PDGFRB: variants seen among roughly 807,000 people sequenced by gnomAD.
PDGFRB encodes platelet-derived growth factor receptor beta.
Under a neutral mutation model 120.2 loss-of-function variants are expected in PDGFRB, and 42 were observed. The ratio of observed to expected loss-of-function variants is 0.35; its 90% CI spans 0.27 to 0.45. The LOEUF (loss-of-function observed/expected upper bound fraction) is 0.45, where lower values mean the gene tolerates loss of function less well. Among genes scored for constraint, PDGFRB ranks in the 20% least tolerant of loss-of-function variants. PDGFRB has a pLI of 1.00. For missense variants in PDGFRB, 1,149 were observed against 1,476.3 expected (o/e 0.78, Z 3.63); for synonymous variants, 586 against 606.8 (o/e 0.97, Z 0.50).
In PDGFRB at chr5:150,120,232, C is replaced by T. The variant is rs1760088561; in HGVS notation, c.2587-109G>A. 6 of 675,752 alleles carry T rather than the reference C, an allele frequency of 8.9e-6. No individual in the cohort carries two copies. Among genetic ancestry groups the T allele is most frequent in the South Asian group, 6.4e-5 (4 of 62,164 alleles). The allele number at this position is 675,752 out of a possible 1,614,324, so 41.9% of individuals were successfully genotyped here. ...CAGCTCCCACCCACAACCACTTCTC[C>T]GTCCCATTCCCTGTGAGGGCCCTGG... is the stretch of plus-strand genomic sequence containing the variant. On this transcript the variant is annotated intron_variant, in intron 18 of 22. Coordinates refer to ENST00000261799, the MANE Select transcript of PDGFRB (RefSeq NM_002609.4). This position sits in a 1 kb window ranked among gnomAD's most constrained non-coding sequence, Gnocchi z 4.3.
rs114435947 is a variant in PDGFRB, at chr5:150,115,797, G to A, written c.3287C>T (p.Ala1096Val). Reference protein sequence around the residue: ...LEQLPDSGCPAPRAEAEDSFL With the variant: ...LEQLPDSGCPVPRAEAEDSFL ...GCTATCCTCTGCTTCCGCCCGAGGC[G>A]CAGGGCACCCCGAATCCGGCAACTG... Residue 1096 changes from alanine (A) to valine (V), a missense_variant, in exon 23 of 23, where the codon GCG (alanine) becomes GTG (valine). Transcript: ENST00000261799. 3.0e-3 allele frequency: 4,857 copies of A among 1,611,438 alleles called. 6 individuals are homozygous for A. The highest frequency in any genetic ancestry group is 3.3e-3 in the Non-Finnish European group (3,926 of 1,178,918).
rs117286506 is a variant in PDGFRB at position 150,127,401 on chromosome 5, T to G, written c.1580-787A>C. ...TCTTCTGTCCCCAATCTATGCTTCT[T>G]TGCTCCCTAGGGAGTCCTGTCCCAC... is the stretch of plus-strand genomic sequence containing the variant. On this transcript the variant is annotated intron_variant, in intron 10 of 22. Transcript: ENST00000261799. 3.1e-4 allele frequency among the ~76,000 whole-genome samples: 47 copies of G among 152,206 alleles called. 2 individuals are homozygous for G. The East Asian group carries it at 8.9e-3, about 29-fold the overall frequency.
chr5:150,121,693 A>T lies in PDGFRB; in HGVS notation c.2344+187T>A, dbSNP rs185787234. Among the ~76,000 whole-genome samples the T allele has an allele frequency of 3.5e-3, 533 of 152,236 alleles. 3 individuals are homozygous for T. In the Middle Eastern group the frequency reaches 0.037, roughly 11 times the overall value. On this transcript the variant is annotated intron_variant, in intron 16 of 22. Transcript: ENST00000261799. This position sits in a 1 kb window ranked among gnomAD's most constrained non-coding sequence, Gnocchi z 4.1. The stretch of plus-strand genomic sequence containing the variant: ...CTGAGGGTTCTACGCATGTTTCCGG[A>T]TCCATAAACAGGGCTTCCGTTTAGG...
intron 1 of PDGFRB, among the ~76,000 whole-genome samples, chr5:150,148,050 G>A (rs1760973830): frequency 6.6e-6 from 1 of 152,142 alleles, no homozygotes; most frequent in Non-Finnish European, 1.5e-5. Flanking sequence ...CTCAGGAAGA[G>A]GTAGCTGCTG....
At chr5:150,140,850 T>A (rs1394418384) in intron 1 of PDGFRB, among the ~76,000 whole-genome samples, 1 of 152,096 alleles carries the variant, frequency 6.6e-6, no homozygotes, top group African/African-American at 2.4e-5. Context: ...CAGACTTCCC[T>A]CCTCCCAGCA....
In PDGFRB at chr5:150,134,912, C is replaced by A; in HGVS notation, c.469G>T (p.Val157Leu). The A allele has an allele frequency of 6.2e-7, 1 of 1,613,956 alleles. No individual in the cohort carries two copies. Among genetic ancestry groups the A allele is most frequent in the South Asian group, 1.1e-5 (1 of 91,090 alleles). The change falls in exon 4 of 23, where the codon GTG becomes TTG. Residue 157 changes from valine (V) to leucine (L), a missense_variant. By Grantham distance (32) the Val-to-Leu change is conservative. This residue lies in a region of PDGFRB where 879 missense variants were observed against 1,108.6 expected (regional missense o/e 0.79). Coordinates refer to ENST00000261799, the MANE Select transcript of PDGFRB (RefSeq NM_002609.4). ...CCTTTCTTCTCGTGCAGTGTCACCACCAGCTGTGGGTCTGTTACTCGGCAT... is the reference window on the plus strand; with the variant it reads ...CCTTTCTTCTCGTGCAGTGTCACCAACAGCTGTGGGTCTGTTACTCGGCAT... ...IPCRVTDPQL[V>L]VTLHEKKGDV...
Position 150,134,889 on chromosome 5 carries a change from T to G in PDGFRB, c.492A>C (p.Lys164Asn), listed in dbSNP as rs751395575. The part of the protein sequence containing the change: ...PQLVVTLHEK[K>N]GDVALPVPYD... ...AGGGGACAGGCAGTGCAACGTCCCC[T>G]TTCTTCTCGTGCAGTGTCACCACCA... The change falls in exon 4 of 23, where the codon AAA (lysine) becomes AAC (asparagine). Residue 164 changes from lysine to asparagine, a missense_variant. Transcript: ENST00000261799. The G allele has an allele frequency of 4.3e-6, 7 of 1,614,188 alleles. No homozygotes were observed. In the East Asian group the frequency reaches 1.1e-4, roughly 26 times the overall value.
intron 10 of PDGFRB, among the ~76,000 whole-genome samples, chr5:150,128,392 C>T (rs1054191955): frequency 2.6e-5 from 4 of 152,224 alleles, no homozygotes; most frequent in African/African-American, 9.6e-5. Context: ...TAGACAGGCA[C>T]GTGCCTGAAC....
At position 150,145,643 on chromosome 5, in the gene PDGFRB, C is replaced by T. The variant is rs549321495; in HGVS notation, c.-6-8590G>A. ...AGGCTCCAGAGCACACAGCCCAATG[C>T]CCATGAGACAGCCCCTCTGTGGCAG... On this transcript the variant is annotated intron_variant, in intron 1 of 22. Transcript: ENST00000261799. Among the ~76,000 whole-genome samples, 13 of 152,326 alleles carry T rather than the reference C, an allele frequency of 8.5e-5. No individual in the cohort carries two copies. In the South Asian group the frequency reaches 2.5e-3, roughly 29 times the overall value.
chr5:150,126,816 A>G (rs1760307256), intron 10 of PDGFRB, among the ~76,000 whole-genome samples: 1 of 152,200 alleles, frequency 6.6e-6, no homozygotes, highest in South Asian at 2.1e-4. Flanking sequence ...CCATCCCCTC[A>G]GTAACTACCC....
intron 1 of PDGFRB, among the ~76,000 whole-genome samples, chr5:150,143,653 G>T (rs2113923304): frequency 6.6e-6 from 1 of 152,232 alleles, no homozygotes; most frequent in East Asian, 1.9e-4. Context: ...CCCCAAGCAG[G>T]CTGAGATGTG....
In PDGFRB at chr5:150,121,044, G is replaced by T; in HGVS notation, c.2464-34C>A. On this transcript the variant is annotated intron_variant, in intron 17 of 22. Transcript: ENST00000261799. This position sits in a 1 kb window ranked among gnomAD's most constrained non-coding sequence, Gnocchi z 4.1. ...GGGGAGAGGGGAGCTGAGGCCTTGG[G>T]GACAATTGTGGGGAAAGACCCTTCA... 1 of 1,610,946 alleles carries T rather than the reference G, an allele frequency of 6.2e-7. No homozygotes were observed. Among genetic ancestry groups the T allele is most frequent in the Non-Finnish European group, 8.5e-7 (1 of 1,177,230 alleles).
intron 2 of PDGFRB, 104 bp downstream of exon 2, chr5:150,136,904 G>T: frequency 1.2e-6 from 1 of 852,844 alleles, no homozygotes. Flanking sequence ...AGGGCAGTGT[G>T]CCTGGTGCTT....
Position 150,121,991 on chromosome 5 carries a change from T to C in PDGFRB, c.2233A>G (p.Lys745Glu). The change falls in exon 16 of 23, where the codon AAG becomes GAG. Residue 745 changes from lysine (K) to glutamate (E), a missense_variant. Around this residue, in one of 3 missense-constraint regions of PDGFRB, gnomAD observed 879 missense variants for 1,108.6 expected, o/e 0.79. Transcript: ENST00000261799. The surrounding 1 kb of genome is among the most constrained non-coding windows in gnomAD (Gnocchi z 4.1). Reference sequence around the variant, plus strand: ...GGCACATAGTCCACCGACTCGTCCTTGCTCATGTCCATGTAGCCACCGTCG... The same window carrying C: ...GGCACATAGTCCACCGACTCGTCCTCGCTCATGTCCATGTAGCCACCGTCG... ...ESDGGYMDMS[K>E]DESVDYVPML... 6.2e-7 allele frequency: 1 copy of C among 1,613,940 alleles called. No homozygotes were observed. Among genetic ancestry groups the C allele is most frequent in the South Asian group, 1.1e-5 (1 of 91,072 alleles).
chr5:150,135,972 C>G (rs1760619542), intron 2 of PDGFRB, 94 bp from the exon 3 acceptor site: 1 of 799,658 alleles, frequency 1.3e-6, no homozygotes, highest in Non-Finnish European at 1.9e-6. Flanking sequence ...GCACAGCCCT[C>G]AGGTCCTTGA....
intron 10 of PDGFRB, 88 bp from the exon 11 acceptor site, chr5:150,126,702 C>T (rs1760305050): frequency 1.3e-6 from 1 of 758,456 alleles, no homozygotes; most frequent in Admixed American, 1.9e-5. Flanking sequence ...TCCCTCCGTA[C>T]ACATCCTGTC....
intron 22 of PDGFRB, 96 bp from the exon 23 acceptor site, chr5:150,116,042 C>T (rs949683219): frequency 3.9e-5 from 41 of 1,056,134 alleles, no homozygotes; most frequent in African/African-American, 6.5e-5. Context: ...ACCCCTGCAC[C>T]GTAGGCTTCA....
rs2240780 is a variant in PDGFRB, at chr5:150,133,509, A to G, written c.934+77T>C. On this transcript the variant is annotated intron_variant, in intron 6 of 22. Coordinates refer to ENST00000261799, the MANE Select transcript of PDGFRB (RefSeq NM_002609.4). ...TATCAAAAATGCAACTCTCACCATC[A>G]CTCTGCACCCAGCAAAGTGGGTGAG... 697,985 of 1,232,328 alleles carry G rather than the reference A, an allele frequency of 0.57. 199,939 individuals are homozygous for G. The highest frequency in any genetic ancestry group is 0.63 in the Admixed American group (37,086 of 58,406). The allele number at this position is 1,232,328 out of a possible 1,614,324, so 76.3% of individuals were successfully genotyped here.
At position 150,120,781 on chromosome 5, in the gene PDGFRB, C is replaced by T. The variant is rs1296337886; in HGVS notation, c.2586+107G>A. On this transcript the variant is annotated intron_variant, in intron 18 of 22. Transcript: ENST00000261799. This position sits in a 1 kb window ranked among gnomAD's most constrained non-coding sequence, Gnocchi z 4.3. ...TGCTGTCAGGGCAGGCCACAAGGAGCCCCACACAGATTTCCTATGAGCTGC... is the reference window on the plus strand; with the variant it reads ...TGCTGTCAGGGCAGGCCACAAGGAGTCCCACACAGATTTCCTATGAGCTGC... The T allele has an allele frequency of 2.9e-6, 3 of 1,042,828 alleles. No individual in the cohort carries two copies. Among genetic ancestry groups the T allele is most frequent in the South Asian group, 2.9e-5 (2 of 68,344 alleles). The allele number at this position is 1,042,828 out of a possible 1,614,324, so 64.6% of individuals were successfully genotyped here. A position where few individuals can be genotyped will look rare whatever the true frequency, so the allele number is the denominator to read the frequency against.
Sources: gnomAD v4.1 joint callset for allele counts (sites outside exome capture counted in the v4.1 genomes callset) on GRCh38, gnomAD v4.1.1 for gene constraint, gnomAD v4.1.1 regional missense constraint, Gnocchi (gnomAD v3.1) non-coding constraint, MANE v1.5 for transcripts, NCBI Gene and HGNC (gene_info 2026-07-23, HGNC 2026-07-21) for gene names.